The following RCBTB2 variants were observed in gnomAD, a reference collection of about 807,000 sequenced individuals.
The protein encoded by RCBTB2 is RCC1 and BTB domain containing protein 2.
RCBTB2 carries 55 observed loss-of-function variants against 65.4 expected under a neutral mutation model. That is an observed-to-expected ratio of 0.84 (90% confidence interval 0.68 to 1.05). RCBTB2 has a LOEUF of 1.05. RCBTB2 is among the 50% of genes least tolerant of loss of function. The probability of loss-of-function intolerance (pLI) is 0.00; values close to 1 mark genes in which losing one functional copy is unlikely to be tolerated. For missense variants in RCBTB2, 599 were observed against 680.1 expected, an observed-to-expected ratio of 0.88 and a Z score of 1.33; for synonymous variants, 220 against 255.2, an observed-to-expected ratio of 0.86 and a Z score of 1.31.
At chr13:48,496,835 GGAGGA>G (rs1365128604) in intron 13 of RCBTB2, among the ~76,000 whole-genome samples, 3 of 129,546 alleles carry the variant, frequency 2.3e-5, no homozygotes, top group Admixed American at 7.4e-5. Flanking sequence ...GGAGGGGAGA[GGAGGA>G]GAGGGGAGAG....
chr13:48,507,690 A>C (rs1453803010), intron 10 of RCBTB2, among the ~76,000 whole-genome samples: 1 of 152,264 alleles, frequency 6.6e-6, no homozygotes, highest in Non-Finnish European at 1.5e-5. Flanking sequence ...ACAGATCCAC[A>C]GCAGGGATTC....
At chr13:48,502,471 C>A (rs946426188) in intron 11 of RCBTB2, among the ~76,000 whole-genome samples, 5 of 151,104 alleles carry the variant, frequency 3.3e-5, no homozygotes, top group Admixed American at 3.3e-4. Context: ...CCAGCCTGGG[C>A]AACAGAGCAA....
At chr13:48,491,100 A>C (rs967791694) in intron 14 of RCBTB2, among the ~76,000 whole-genome samples, 3 of 152,174 alleles carry the variant, frequency 2.0e-5, no homozygotes, top group African/African-American at 7.2e-5. Context: ...TCAATTTTTA[A>C]AAGTTTCCTC....
At chr13:48,505,737 TA>T (rs1410940794) in intron 10 of RCBTB2, among the ~76,000 whole-genome samples, 1 of 151,972 alleles carries the variant, frequency 6.6e-6, no homozygotes, top group Non-Finnish European at 1.5e-5. Flanking sequence ...TAAATTCTTA[TA>T]ATCAGCTTTA....
At position 48,521,916 on chromosome 13, in the gene RCBTB2, G is replaced by A. The variant is rs2138610479; in HGVS notation, c.24C>T (p.Phe8=). Residue 8 remains phenylalanine, a synonymous_variant, in exon 4 of 15, where the codon TTC becomes TTT. Coordinates refer to ENST00000344532, the MANE Select transcript of RCBTB2 (RefSeq NM_001268.4). The part of the protein sequence containing the change: MEEELPL[F]SGDSGKPVQA... ...TTCTAACCTTGCCACTGTCTCCAGAGAAAAGAGGAAGTTCTTCTTCCATAT... is the reference window on the plus strand; with the variant it reads ...TTCTAACCTTGCCACTGTCTCCAGAAAAAAGAGGAAGTTCTTCTTCCATAT... The A allele has an allele frequency of 6.2e-7, 1 of 1,613,818 alleles. No individual in the cohort carries two copies. Among genetic ancestry groups the A allele is most frequent in the African/African-American group, 1.3e-5 (1 of 75,022 alleles).
At chr13:48,516,736 T>C (rs1036738134) in intron 4 of RCBTB2, among the ~76,000 whole-genome samples, 1 of 152,184 alleles carries the variant, frequency 6.6e-6, no homozygotes, top group African/African-American at 2.4e-5. Context: ...CCTAACAGCA[T>C]ACATTAAGAT....
intron 4 of RCBTB2, among the ~76,000 whole-genome samples, chr13:48,516,085 A>G (rs1951070452): frequency 8.2e-6 from 1 of 122,304 alleles, no homozygotes; most frequent in South Asian, 2.3e-4. Context: ...TGGTTGTAAA[A>G]GCAAGAGAGA....
rs540938842 is a variant in RCBTB2, at chr13:48,508,164, G to A, written c.926+2465C>T. ...TAGTCAGGCTTTCCTGCAATGGGCC[G>A]CAGAAGAGTCAGAAGTAAGGCTCCG... On this transcript the variant is annotated intron_variant, in intron 10 of 14. Transcript: ENST00000344532. Among the ~76,000 whole-genome samples the A allele has an allele frequency of 2.6e-3, 402 of 152,282 alleles. 1 individual carries two copies. The highest frequency in any genetic ancestry group is 4.5e-3 in the Non-Finnish European group (307 of 68,020).
Position 48,501,818 on chromosome 13 carries a change from T to C in RCBTB2, c.1168A>G (p.Asn390Asp). 6.2e-7 allele frequency: 1 copy of C among 1,613,834 alleles called. No homozygotes were observed. Among genetic ancestry groups the C allele is most frequent in the Non-Finnish European group, 8.5e-7 (1 of 1,179,688 alleles). Reference sequence around the variant, plus strand: ...AACTTCAGGTCTGCAGTGTCCGGGTTGTCAAATTCCCTCTTCAGTGACTCA... The same window carrying C: ...AACTTCAGGTCTGCAGTGTCCGGGTCGTCAAATTCCCTCTTCAGTGACTCA... ...VAESLKREFD[N>D]PDTADLKFLV... Residue 390 changes from asparagine (N) to aspartate (D), a missense_variant, in exon 12 of 15, where the codon AAC (asparagine) becomes GAC (aspartate). Asn to Asp is a conservative substitution (Grantham distance 23, BLOSUM62 1). Transcript: ENST00000344532.
intron 10 of RCBTB2, among the ~76,000 whole-genome samples, chr13:48,507,864 A>G (rs1279661798): frequency 6.6e-6 from 1 of 152,264 alleles, no homozygotes; most frequent in African/African-American, 2.4e-5. Context: ...TCTGTCCCCA[A>G]GGTACTGAAA....
chr13:48,526,747 C>T (rs947398610), intron 1 of RCBTB2, among the ~76,000 whole-genome samples: 1 of 151,720 alleles, frequency 6.6e-6, no homozygotes, highest in South Asian at 2.1e-4. Context: ...GAAACCCCAT[C>T]CCTACTAAAA....
At position 48,518,472 on chromosome 13, in the gene RCBTB2, A is replaced by ATAT. The variant is rs1555307423; in HGVS notation, c.43-2732_43-2731insATA. Among the ~76,000 whole-genome samples, 274 of 116,554 alleles carry ATAT rather than the reference A, an allele frequency of 2.4e-3. 2 individuals carry two copies. The highest frequency in any genetic ancestry group is 7.5e-3 in the African/African-American group (200 of 26,538). The allele number at this position is 116,554 out of a possible 152,430, so 76.5% of individuals were successfully genotyped here. ...AGAGTACTTTGCAAAAAAAAAAAAA[A>ATAT]ATATATATATATATATATATATATT... is the stretch of plus-strand genomic sequence containing the variant. On this transcript the variant is annotated intron_variant, in intron 4 of 14. Transcript: ENST00000344532.
chr13:48,529,846 G>T (rs1952007978), intron 1 of RCBTB2, among the ~76,000 whole-genome samples: 1 of 151,994 alleles, frequency 6.6e-6, no homozygotes, highest in African/African-American at 2.4e-5. Flanking sequence ...AATAATTCCT[G>T]GTCTCCAATC....
At chr13:48,520,928 A>G (rs1231844830) in intron 4 of RCBTB2, among the ~76,000 whole-genome samples, 1 of 152,110 alleles carries the variant, frequency 6.6e-6, no homozygotes, top group Non-Finnish European at 1.5e-5. Flanking sequence ...TATTCATTAT[A>G]TCTTATAAAT....
chr13:48,534,202 A>G (rs115147777), upstream of RCBTB2, among the ~76,000 whole-genome samples: 1,711 of 152,334 alleles, frequency 0.011, 24 homozygotes, highest in African/African-American at 0.039. Flanking sequence ...TTGCAGCGAT[A>G]GTGCAGAGAG....
chr13:48,498,052 A>G (rs1950055881), intron 13 of RCBTB2, among the ~76,000 whole-genome samples: 1 of 152,212 alleles, frequency 6.6e-6, no homozygotes, highest in Non-Finnish European at 1.5e-5. Context: ...TTGAGGCCAC[A>G]TGTGTGGGTA....
chr13:48,499,273 T>C (rs749657316), intron 13 of RCBTB2, among the ~76,000 whole-genome samples: 3 of 152,132 alleles, frequency 2.0e-5, no homozygotes, highest in Non-Finnish European at 2.9e-5. Context: ...CCTAAGCCAC[T>C]GGGCACAGAC....
chr13:48,501,672 T>C, intron 12 of RCBTB2, 70 bp downstream of exon 12: 1 of 1,363,768 alleles, frequency 7.3e-7, no homozygotes, highest in Non-Finnish European at 1.0e-6. Flanking sequence ...GTGCCTAATA[T>C]AGTTGGACAC....
intron 6 of RCBTB2, among the ~76,000 whole-genome samples, chr13:48,513,399 A>G (rs1357618182): frequency 6.6e-6 from 1 of 152,220 alleles, no homozygotes; most frequent in African/African-American, 2.4e-5. Flanking sequence ...ATATAACCTT[A>G]TAATCACCCC....
Sources: allele counts gnomAD v4.1 joint callset (sites outside exome capture counted in the v4.1 genomes callset), GRCh38; gene constraint gnomAD v4.1.1; transcripts MANE v1.5; gene names NCBI Gene and HGNC (gene_info 2026-07-23, HGNC 2026-07-21).